The following SCN2B variants were observed in gnomAD, a reference collection of about 807,000 sequenced individuals.
SCN2B encodes the protein sodium channel regulatory subunit beta-2.
SCN2B carries 14 observed loss-of-function variants against 18.2 expected under a neutral mutation model. That is an observed-to-expected ratio of 0.77 (90% CI 0.51 to 1.21). SCN2B has a LOEUF of 1.21. Ranked by LOEUF, SCN2B falls within the 50% of genes most tolerant of loss-of-function variation. SCN2B has a pLI of 0.00. For synonymous variants in SCN2B, 115 were observed against 115.3 expected (o/e 1.00, Z 0.02); for missense variants, 262 against 286.9 (o/e 0.91, Z 0.63).
At chr11:118,173,907 C>G (rs2134621416) in intron 1 of SCN2B, among the ~76,000 whole-genome samples, 1 of 148,116 alleles carries the variant, frequency 6.8e-6, no homozygotes, top group Middle Eastern at 3.4e-3. Flanking sequence ...CTAGACTTCA[C>G]TTTCTTTCTT....
At chr11:118,170,465 G>C (rs1948421917) in intron 1 of SCN2B, among the ~76,000 whole-genome samples, 1 of 152,178 alleles carries the variant, frequency 6.6e-6, no homozygotes, top group African/African-American at 2.4e-5. Context: ...TGCATGGTGA[G>C]ACCTGAGGTC....
intron 1 of SCN2B, among the ~76,000 whole-genome samples, chr11:118,170,998 G>T (rs959558588): frequency 6.6e-6 from 1 of 151,898 alleles, no homozygotes; most frequent in African/African-American, 2.4e-5. Flanking sequence ...AGAAGCAGCC[G>T]CCCTGCAGCC....
intron 3 of SCN2B, among the ~76,000 whole-genome samples, chr11:118,167,337 C>A (rs1006422314): frequency 6.6e-6 from 1 of 152,216 alleles, no homozygotes; most frequent in Non-Finnish European, 1.5e-5. Flanking sequence ...ATCAAACAGA[C>A]CCAAATTTGA....
rs1382356879 is a variant in SCN2B at position 118,164,922 on chromosome 11, A to T, written c.*1965T>A. The T allele has an allele frequency of 2.0e-5, 3 of 152,696 alleles. No individual in the cohort carries two copies. The East Asian group carries it at 5.8e-4, about 29-fold the overall frequency. 9.5% of individuals were successfully genotyped at this position (152,696 alleles called of 1,614,324 possible). A position where few individuals can be genotyped will look rare whatever the true frequency, so the allele number is the denominator to read the frequency against. Reference sequence around the variant, plus strand: ...GCAGGGATTGGTCCCTGAGACTGTCACGGTCCTGTCTCCACCCCCTTTCCT... The same window carrying T: ...GCAGGGATTGGTCCCTGAGACTGTCTCGGTCCTGTCTCCACCCCCTTTCCT... On this transcript the variant is annotated 3_prime_UTR_variant, in exon 4 of 4. Coordinates refer to ENST00000278947, the MANE Select transcript of SCN2B (RefSeq NM_004588.5).
In SCN2B at chr11:118,168,330, G is replaced by A. The variant is rs1948402943; in HGVS notation, c.238-35C>T. 1.3e-6 allele frequency: 2 copies of A among 1,573,092 alleles called. No homozygotes were observed. The highest frequency in any genetic ancestry group is 2.7e-5 in the African/African-American group (2 of 74,142). On this transcript the variant is annotated intron_variant, in intron 2 of 3. Coordinates refer to ENST00000278947, the MANE Select transcript of SCN2B (RefSeq NM_004588.5). The surrounding 1 kb of genome is among the most constrained non-coding windows in gnomAD (Gnocchi z 4.7). The stretch of plus-strand genomic sequence containing the variant: ...GAGCAAGGGACAGGATGGGTGGCTG[G>A]ATGAGCAAGGAACTACAAGGACAGT...
intron 1 of SCN2B, among the ~76,000 whole-genome samples, chr11:118,173,152 G>A (rs1185742435): frequency 2.0e-5 from 3 of 152,058 alleles, no homozygotes; most frequent in Non-Finnish European, 4.4e-5. Context: ...CCAGGCTCCT[G>A]GGCACAGCTT....
In SCN2B at chr11:118,176,389, T is replaced by C. The variant is rs776584980; in HGVS notation, c.43A>G (p.Thr15Ala). Residue 15 changes from threonine (T) to alanine (A), a missense_variant, in exon 1 of 4, where the codon ACG becomes GCG. By Grantham distance (58) the Thr-to-Ala change is moderately conservative. Coordinates refer to ENST00000278947, the MANE Select transcript of SCN2B (RefSeq NM_004588.5). Reference protein sequence around the residue: ...AWLPRPAFSLTGLSLFFSLVP... With the variant: ...AWLPRPAFSLAGLSLFFSLVP... ...AAAGAGAAAAAGAGACTGAGCCCCG[T>C]GAGGCTGAAGGCAGGGCGAGGTAGC... 1.2e-6 allele frequency: 2 copies of C among 1,613,768 alleles called. No individual in the cohort carries two copies. Among genetic ancestry groups the C allele is most frequent in the African/African-American group, 2.7e-5 (2 of 74,836 alleles).
intron 1 of SCN2B, among the ~76,000 whole-genome samples, chr11:118,169,489 C>G (rs1948413227): frequency 6.6e-6 from 1 of 152,204 alleles, no homozygotes; most frequent in East Asian, 1.9e-4. Flanking sequence ...TGGAAGGCCT[C>G]GCTCTCCATA....
Position 118,166,830 on chromosome 11 carries a change from G to A in SCN2B, c.*57C>T. ...CCAAGAGCGAGCAGGCAGGGTCACT[G>A]TACAGGGCGGAGAGGGGAGGAGACG... On this transcript the variant is annotated 3_prime_UTR_variant, in exon 4 of 4. Transcript: ENST00000278947. 6.2e-7 allele frequency: 1 copy of A among 1,603,672 alleles called. No homozygotes were observed. The highest frequency in any genetic ancestry group is 8.5e-7 in the Non-Finnish European group (1 of 1,173,964).
At position 118,168,813 on chromosome 11, in the gene SCN2B, C is replaced by G. The variant is rs895462660; in HGVS notation, c.71-62G>C. ...TGAAAGGGCTGGGGAGGGGCAAGCC[C>G]TCTGTGCCTGGGAGTGTTGGGGGAT... On this transcript the variant is annotated intron_variant, in intron 1 of 3. Transcript: ENST00000278947. The surrounding 1 kb of genome is among the most constrained non-coding windows in gnomAD (Gnocchi z 4.7). 2 of 1,593,070 alleles carry G rather than the reference C, an allele frequency of 1.3e-6. No individual in the cohort carries two copies. The highest frequency in any genetic ancestry group is 2.7e-5 in the African/African-American group (2 of 74,444).
At position 118,176,498 on chromosome 11, in the gene SCN2B, A is replaced by C. The variant is rs1282240350; in HGVS notation, c.-67T>G. 6.0e-6 allele frequency: 7 copies of C among 1,172,860 alleles called. No homozygotes were observed. Among genetic ancestry groups the C allele is most frequent in the Non-Finnish European group, 9.0e-6 (7 of 778,020 alleles). The allele number at this position is 1,172,860 out of a possible 1,614,324, so 72.7% of individuals were successfully genotyped here. A position where few individuals can be genotyped will look rare whatever the true frequency, so the allele number is the denominator to read the frequency against. On this transcript the variant is annotated 5_prime_UTR_variant, in exon 1 of 4. Coordinates refer to ENST00000278947, the MANE Select transcript of SCN2B (RefSeq NM_004588.5). Reference sequence around the variant, plus strand: ...GGTGATTTGAGGGGGCGAGAACTACAAGGGAGGAATGGTTGGATGCTAAAA... The same window carrying C: ...GGTGATTTGAGGGGGCGAGAACTACCAGGGAGGAATGGTTGGATGCTAAAA...
At chr11:118,174,105 T>TTTTTG (rs1565464888) in intron 1 of SCN2B, among the ~76,000 whole-genome samples, 15 of 128,658 alleles carry the variant, frequency 1.2e-4, no homozygotes, top group African/African-American at 4.4e-4. Flanking sequence ...TTTTTTTTTT[T>TTTTTG]TTTTTTTTTT....
At position 118,163,558 on chromosome 11, in the gene SCN2B, T is replaced by C. The variant is rs1414031803; in HGVS notation, c.*3329A>G. ...TCCAAGGCACCTCAAAGCAGTTCAG[T>C]CCTGAATAATTGTGCTTTGTTCTTA... is the stretch of plus-strand genomic sequence containing the variant. On this transcript the variant is annotated 3_prime_UTR_variant, in exon 4 of 4. Transcript: ENST00000278947. The C allele has an allele frequency of 6.6e-6, 1 of 152,608 alleles. No individual in the cohort carries two copies. 9.5% of individuals were successfully genotyped at this position (152,608 alleles called of 1,614,324 possible).
chr11:118,176,228 C>T, intron 1 of SCN2B, 134 bp downstream of exon 1: 1 of 840,106 alleles, frequency 1.2e-6, no homozygotes, highest in Non-Finnish European at 2.0e-6. Context: ...CCTTCCAGTC[C>T]CCAGCACCTC....
At position 118,165,985 on chromosome 11, in the gene SCN2B, C is replaced by G. The variant is rs1241139367; in HGVS notation, c.*902G>C. 1 of 152,062 alleles carries G rather than the reference C, an allele frequency of 6.6e-6. No homozygotes were observed. Among genetic ancestry groups the G allele is most frequent in the Non-Finnish European group, 1.5e-5 (1 of 68,138 alleles). The allele number at this position is 152,062 out of a possible 1,614,324, so 9.4% of individuals were successfully genotyped here. ...GAAGCCCCAAAGAAAGCTGCCCCAC[C>G]CTGTGCATGGCCTCCTCATTTCCCA... On this transcript the variant is annotated 3_prime_UTR_variant, in exon 4 of 4. Transcript: ENST00000278947.
chr11:118,173,642 A>G (rs1042786642), intron 1 of SCN2B, among the ~76,000 whole-genome samples: 5 of 152,222 alleles, frequency 3.3e-5, no homozygotes, highest in Non-Finnish European at 5.9e-5. Context: ...AGCTGCGACT[A>G]TGATGAGCAT....
chr11:118,174,091 C>CTTTTGTTTTT lies in SCN2B; in HGVS notation c.70+2270_70+2271insAAAAACAAAA, dbSNP rs1555101438. 5.9e-3 allele frequency among the ~76,000 whole-genome samples: 395 copies of CTTTTGTTTTT among 66,660 alleles called. 35 individuals are homozygous for CTTTTGTTTTT. Among genetic ancestry groups the CTTTTGTTTTT allele is most frequent in the African/African-American group, 0.019 (296 of 15,538 alleles). 43.7% of individuals were successfully genotyped at this position (66,660 alleles called of 152,430 possible). On this transcript the variant is annotated intron_variant, in intron 1 of 3. Transcript: ENST00000278947. ...ACCATGCCTGGCTTATTTTTCTTTTCTTTTTTTTTTTTTTTTTTTTTTTTT... is the reference window on the plus strand; with the variant it reads ...ACCATGCCTGGCTTATTTTTCTTTTCTTTTGTTTTTTTTTTTTTTTTTTTTTTTTTTTTTT...
rs1948361463 is a variant in SCN2B at position 118,164,538 on chromosome 11, C to G, written c.*2349G>C. 6.5e-6 allele frequency: 1 copy of G among 153,162 alleles called. No individual in the cohort carries two copies. The highest frequency in any genetic ancestry group is 2.4e-5 in the African/African-American group (1 of 41,464). 9.5% of individuals were successfully genotyped at this position (153,162 alleles called of 1,614,324 possible). On this transcript the variant is annotated 3_prime_UTR_variant, in exon 4 of 4. Transcript: ENST00000278947. ...GTTACCAGGCTGGTTGCCCATCCCC[C>G]ACTCTGCACCCACTCTGCCTGGCCT...
In SCN2B at chr11:118,166,924, G is replaced by A. The variant is rs140034265; in HGVS notation, c.611C>T (p.Thr204Met). Residue 204 changes from threonine (T) to methionine (M), a missense_variant, in exon 4 of 4, where the codon ACG (threonine) becomes ATG (methionine). By Grantham distance (81) the Thr-to-Met change is moderately conservative (BLOSUM62 -1). Coordinates refer to ENST00000278947, the MANE Select transcript of SCN2B (RefSeq NM_004588.5). ...DDLKTEEEGKTDGEGNPDDGA... is the reference protein window; with the variant it reads ...DDLKTEEEGKMDGEGNPDDGA... The stretch of plus-strand genomic sequence containing the variant: ...ATCATCCGGGTTGCCTTCACCGTCC[G>A]TCTTGCCCTCCTCCTCGGTCTTCAG... The A allele has an allele frequency of 1.1e-4, 170 of 1,614,004 alleles. No individual in the cohort carries two copies. The highest frequency in any genetic ancestry group is 1.2e-4 in the African/African-American group (9 of 74,908).
Sources: allele counts gnomAD v4.1 joint callset (sites outside exome capture counted in the v4.1 genomes callset), GRCh38; gene constraint gnomAD v4.1.1; non-coding constraint Gnocchi (gnomAD v3.1); transcripts MANE v1.5; gene names NCBI Gene and HGNC (gene_info 2026-07-23, HGNC 2026-07-21).